Variants in CADM2 observed in about 807,000 individuals in gnomAD.
The protein encoded by CADM2 is cell adhesion molecule 2.
In CADM2, 12 loss-of-function variants were observed where a neutral mutation model predicts 49.8. The ratio of observed to expected loss-of-function variants is 0.24; its 90% CI spans 0.15 to 0.39. The LOEUF is 0.39. CADM2 is among the 10% of genes least tolerant of loss of function. The pLI is 1.00. For synonymous variants in CADM2, 214 were observed against 175.4 expected, an observed-to-expected ratio of 1.22 and a Z score of -1.74; for missense variants, 378 against 492.3, an observed-to-expected ratio of 0.77 and a Z score of 2.20.
chr3:85,445,080 C>T (rs2037383406), intron 1 of CADM2, among the ~76,000 whole-genome samples: 1 of 152,028 alleles, frequency 6.6e-6, no homozygotes, highest in Non-Finnish European at 1.5e-5. Flanking sequence ...TGTATATAGT[C>T]CCAGCAACAA....
chr3:85,328,863 C>G (rs1400294865), intron 1 of CADM2, among the ~76,000 whole-genome samples: 2 of 142,788 alleles, frequency 1.4e-5, no homozygotes, highest in Non-Finnish European at 3.0e-5. Context: ...TTTATATAAA[C>G]ATAACCTCAT....
chr3:85,931,375 C>T (rs895226452), intron 6 of CADM2, among the ~76,000 whole-genome samples: 1 of 151,772 alleles, frequency 6.6e-6, no homozygotes, highest in African/African-American at 2.4e-5. Context: ...CCCAGGAGGC[C>T]GAGGCTGCAG....
chr3:85,934,891 G>A (rs1446419522), intron 6 of CADM2, among the ~76,000 whole-genome samples: 1 of 151,994 alleles, frequency 6.6e-6, no homozygotes, highest in Non-Finnish European at 1.5e-5. Context: ...TGTAGAGAAT[G>A]TGAAGATAAG....
chr3:84,973,051 C>T (rs1331031248), intron 1 of CADM2, among the ~76,000 whole-genome samples: 1 of 152,092 alleles, frequency 6.6e-6, no homozygotes, highest in Non-Finnish European at 1.5e-5. Flanking sequence ...GTAGCTGAGA[C>T]TACAGGCACG....
chr3:85,125,779 G>A (rs980752255), intron 1 of CADM2, among the ~76,000 whole-genome samples: 5 of 152,228 alleles, frequency 3.3e-5, no homozygotes, highest in East Asian at 1.9e-4. Context: ...ATTATGGCAC[G>A]TGTAATCTTA....
At chr3:85,568,457 TTCTTTCTCTTTCTCTC>T (rs1559915958) in intron 1 of CADM2, among the ~76,000 whole-genome samples, 113 of 35,972 alleles carry the variant, frequency 3.1e-3, no homozygotes, top group South Asian at 9.1e-3. Context: ...CTTTCTTTCT[TTCTTTCTCTTTCTCTC>T]TCTTTCTTTC....
chr3:86,018,830 C>T (rs1165577054), intron 8 of CADM2, among the ~76,000 whole-genome samples: 1 of 151,148 alleles, frequency 6.6e-6, no homozygotes, highest in Non-Finnish European at 1.5e-5. Context: ...TGTAGGTTGC[C>T]TGTTCACTCT....
At chr3:85,697,381 G>C (rs567611875) in intron 1 of CADM2, among the ~76,000 whole-genome samples, 1 of 151,846 alleles carries the variant, frequency 6.6e-6, no homozygotes, top group South Asian at 2.1e-4. Context: ...TCCTGAAAAC[G>C]CCAGTTACCC....
intron 3 of CADM2, among the ~76,000 whole-genome samples, chr3:85,842,369 A>G (rs866628903): frequency 6.6e-5 from 10 of 152,224 alleles, no homozygotes; most frequent in Middle Eastern, 3.4e-3. Flanking sequence ...AATGCAAGTT[A>G]TATTTGCCTG....
intron 1 of CADM2, among the ~76,000 whole-genome samples, chr3:85,714,666 G>C (rs2067227086): frequency 6.6e-6 from 1 of 151,910 alleles, no homozygotes; most frequent in Admixed American, 6.6e-5. Context: ...TCCTGACCTC[G>C]TGATCCGCCC....
At chr3:85,105,114 A>C (rs892944420) in intron 1 of CADM2, among the ~76,000 whole-genome samples, 2 of 152,120 alleles carry the variant, frequency 1.3e-5, no homozygotes, top group Non-Finnish European at 2.9e-5. Flanking sequence ...TATGTTGAAT[A>C]GGAGTGGTGA....
At chr3:85,720,594 A>C (rs551407213) in intron 1 of CADM2, among the ~76,000 whole-genome samples, 2 of 152,310 alleles carry the variant, frequency 1.3e-5, no homozygotes, top group South Asian at 4.1e-4. Flanking sequence ...ATTAAGAAAA[A>C]ATAAAAACTA....
intron 2 of CADM2, among the ~76,000 whole-genome samples, chr3:85,730,853 T>TCA (rs1234488777): frequency 2.0e-5 from 3 of 152,332 alleles, no homozygotes; most frequent in Non-Finnish European, 2.9e-5. Flanking sequence ...AGTTCTATGC[T>TCA]ATTTCTAGAA....
intron 1 of CADM2, among the ~76,000 whole-genome samples, chr3:85,092,091 G>C (rs542513131): frequency 6.6e-6 from 1 of 151,898 alleles, no homozygotes; most frequent in South Asian, 2.1e-4. Flanking sequence ...CTCTTTTGTT[G>C]GTAGCTTTAT....
chr3:85,297,638 G>A (rs1012430289), intron 1 of CADM2, among the ~76,000 whole-genome samples: 1 of 151,678 alleles, frequency 6.6e-6, no homozygotes, highest in East Asian at 1.9e-4. Context: ...TTTTGCCTAG[G>A]CCTCCTCATT....
intron 1 of CADM2, among the ~76,000 whole-genome samples, chr3:85,601,171 T>A (rs199774049): frequency 4.0e-5 from 4 of 100,114 alleles, no homozygotes; most frequent in African/African-American, 1.7e-4. Flanking sequence ...TATATATATA[T>A]ATACACACAC....
At chr3:85,202,947 C>G (rs1012594079) in intron 1 of CADM2, among the ~76,000 whole-genome samples, 2 of 152,290 alleles carry the variant, frequency 1.3e-5, no homozygotes, top group African/African-American at 4.8e-5. Flanking sequence ...TCTTAAATCT[C>G]ATGATCCAAT....
intron 1 of CADM2, among the ~76,000 whole-genome samples, chr3:85,451,693 G>T (rs1041971580): frequency 2.6e-5 from 4 of 152,020 alleles, no homozygotes; most frequent in Non-Finnish European, 4.4e-5. Context: ...TTATCCATTT[G>T]GTGTTTGCTA....
At chr3:86,051,550 G>A (rs1257471634) in intron 8 of CADM2, among the ~76,000 whole-genome samples, 1 of 152,096 alleles carries the variant, frequency 6.6e-6, no homozygotes. Context: ...GTATTAGTCT[G>A]TTATAGCATT....
Sources: allele counts gnomAD v4.1 joint callset (sites outside exome capture counted in the v4.1 genomes callset), GRCh38; gene constraint gnomAD v4.1.1; transcripts MANE v1.5; gene names NCBI Gene and HGNC (gene_info 2026-07-23, HGNC 2026-07-21).